ZNF385D: variants seen among roughly 807,000 people sequenced by gnomAD.
The protein encoded by ZNF385D is zinc finger protein 385D, also known as zinc finger protein 659.
A neutral mutation model predicts 35.8 loss-of-function variants in ZNF385D; 15 were observed. That is an observed-to-expected ratio of 0.42 (90% confidence interval 0.28 to 0.64). The LOEUF is 0.64. Ranked by LOEUF, ZNF385D falls within the 30% of genes least tolerant of loss-of-function variation. The pLI, the probability that ZNF385D is intolerant of heterozygous loss-of-function variation, is 0.23. For missense variants in ZNF385D, 474 were observed against 494.6 expected (o/e 0.96, Z 0.39); for synonymous variants, 212 against 186.8 (o/e 1.13, Z -1.10).
chr3:22,253,906 T>C (rs897081473), intron 2 of ZNF385D, among the ~76,000 whole-genome samples: 2 of 151,986 alleles, frequency 1.3e-5, no homozygotes, highest in African/African-American at 4.8e-5. Flanking sequence ...CTGTGCTGTG[T>C]TGAACACTAG....
At chr3:22,278,598 C>T (rs1467237724) in intron 2 of ZNF385D, among the ~76,000 whole-genome samples, 1 of 152,152 alleles carries the variant, frequency 6.6e-6, no homozygotes, top group Non-Finnish European at 1.5e-5. Flanking sequence ...CTCCTCTTCA[C>T]ATTCCTGCAT....
chr3:21,799,868 G>C (rs1575670899), intron 3 of ZNF385D, among the ~76,000 whole-genome samples: 1 of 151,964 alleles, frequency 6.6e-6, no homozygotes, highest in South Asian at 2.1e-4. Context: ...TTTCTTCTAA[G>C]AGTTTTATAA....
chr3:21,818,921 A>G lies in ZNF385D; in HGVS notation c.326-153893T>C, dbSNP rs534053533. Among the ~76,000 whole-genome samples the G allele has an allele frequency of 3.9e-5, 6 of 152,202 alleles. 1 individual carries two copies. Among genetic ancestry groups the G allele is most frequent in the African/African-American group, 1.4e-4 (6 of 41,578 alleles). On this transcript the variant is annotated intron_variant, in intron 3 of 5. Transcript: ENST00000494108. ...GAAACACGTGAATGAATCTAAACCA[A>G]CTTTGATAACATCAAATAATAACAT...
rs1301977997 is a variant in ZNF385D at position 21,421,137 on chromosome 3, C to T, written c.*77G>A. The T allele has an allele frequency of 2.0e-6, 2 of 1,002,306 alleles. No homozygotes were observed. The highest frequency in any genetic ancestry group is 3.4e-5 in the African/African-American group (2 of 58,264). 62.1% of individuals were successfully genotyped at this position (1,002,306 alleles called of 1,614,324 possible). On this transcript the variant is annotated 3_prime_UTR_variant, in exon 8 of 8. Coordinates refer to ENST00000281523, the MANE Select transcript of ZNF385D (RefSeq NM_024697.3). ...ATATACTTTAAACTATAAATAAACACTGCATAGTTCTCTTTTGTTTGTTTT... is the reference window on the plus strand; with the variant it reads ...ATATACTTTAAACTATAAATAAACATTGCATAGTTCTCTTTTGTTTGTTTT...
intron 2 of ZNF385D, among the ~76,000 whole-genome samples, chr3:22,277,234 G>A (rs766526887): frequency 1.3e-5 from 2 of 152,102 alleles, no homozygotes; most frequent in African/African-American, 2.4e-5. Context: ...AGAGCTGTGG[G>A]TTCAACAAAG....
intron 2 of ZNF385D, among the ~76,000 whole-genome samples, chr3:22,192,674 G>GA (rs1364616241): frequency 2.6e-5 from 4 of 152,196 alleles, no homozygotes; most frequent in Admixed American, 1.3e-4. Context: ...ACAACCTCAT[G>GA]AAAAAACCTC....
At chr3:22,001,447 A>G (rs569246000) in intron 3 of ZNF385D, among the ~76,000 whole-genome samples, 27 of 152,276 alleles carry the variant, frequency 1.8e-4, no homozygotes, top group African/African-American at 6.3e-4. Flanking sequence ...ACAATTGTAA[A>G]TATGTGTGTA....
chr3:21,940,349 T>A (rs180893102), intron 3 of ZNF385D, among the ~76,000 whole-genome samples: 66 of 152,314 alleles, frequency 4.3e-4, no homozygotes, highest in Admixed American at 4.3e-3. Context: ...TTACTCCCCA[T>A]GTATCTCACG....
chr3:22,275,887 C>T (rs976029058), intron 2 of ZNF385D, among the ~76,000 whole-genome samples: 1 of 152,070 alleles, frequency 6.6e-6, no homozygotes, highest in Non-Finnish European at 1.5e-5. Context: ...GAGTTCGAGA[C>T]CAGCCTGAAC....
At chr3:22,029,142 G>A (rs912104868) in intron 3 of ZNF385D, among the ~76,000 whole-genome samples, 1 of 152,130 alleles carries the variant, frequency 6.6e-6, no homozygotes, top group Non-Finnish European at 1.5e-5. Context: ...CCATTAAACT[G>A]GAAGTTATGA....
chr3:21,773,761 C>CAA (rs34517595), intron 3 of ZNF385D, among the ~76,000 whole-genome samples: 15,271 of 146,888 alleles, frequency 0.1, 837 homozygotes, highest in South Asian at 0.15. Context: ...ATTAAAAAGT[C>CAA]AAAAAAAAAA....
chr3:22,113,181 G>T (rs1702629539), intron 3 of ZNF385D, among the ~76,000 whole-genome samples: 1 of 152,026 alleles, frequency 6.6e-6, no homozygotes, highest in African/African-American at 2.4e-5. Context: ...ATGGGGGTGG[G>T]CTATGGGCCT....
intron 3 of ZNF385D, among the ~76,000 whole-genome samples, chr3:21,785,511 AACT>A (rs2125646008): frequency 6.6e-6 from 1 of 152,274 alleles, no homozygotes; most frequent in African/African-American, 2.4e-5. Context: ...GATGTCCAGA[AACT>A]TGAATAGCTA....
chr3:21,638,629 A>AT, intron 2 of ZNF385D, among the ~76,000 whole-genome samples: 1 of 152,244 alleles, frequency 6.6e-6, no homozygotes, highest in Admixed American at 6.5e-5. Flanking sequence ...GCCAGCATCT[A>AT]TAAAACTTGG....
chr3:22,148,560 A>T (rs1460483440), intron 3 of ZNF385D, among the ~76,000 whole-genome samples: 1 of 152,216 alleles, frequency 6.6e-6, no homozygotes, highest in South Asian at 2.1e-4. Context: ...GTATATGAGT[A>T]AACAAGTGAA....
At chr3:21,561,984 A>G (rs2062965462) in intron 3 of ZNF385D, 1 of 152,116 alleles carries the variant, frequency 6.6e-6, no homozygotes, top group African/African-American at 2.4e-5. Flanking sequence ...GACTAATACA[A>G]TAATCATCTG....
intron 2 of ZNF385D, among the ~76,000 whole-genome samples, chr3:21,619,686 A>G (rs1258161956): frequency 6.6e-6 from 1 of 152,174 alleles, no homozygotes; most frequent in East Asian, 1.9e-4. Flanking sequence ...TAAAATCTGC[A>G]GCAGCTTTTG....
In ZNF385D at chr3:21,717,951, A is replaced by G. The variant is rs141848931; in HGVS notation, c.22+32944T>C. Among the ~76,000 whole-genome samples the G allele has an allele frequency of 9.2e-5, 14 of 152,320 alleles. No homozygotes were observed. The East Asian group carries it at 2.5e-3, about 27-fold the overall frequency. ...TCAAATTCTCGTCTGCATCAGATTC[A>G]TCAGGAAGGCTTCTTAAAACACAGA... On this transcript the variant is annotated intron_variant, in intron 1 of 7. Transcript: ENST00000281523.
chr3:21,502,092 A>G (rs1018919156), intron 4 of ZNF385D, among the ~76,000 whole-genome samples: 3 of 152,238 alleles, frequency 2.0e-5, no homozygotes, highest in Middle Eastern at 3.4e-3. Context: ...GCAACTGGGG[A>G]ACAGCAAATG....
Sources: gnomAD v4.1 joint callset for allele counts (sites outside exome capture counted in the v4.1 genomes callset) on GRCh38, gnomAD v4.1.1 for gene constraint, MANE v1.5 for transcripts, NCBI Gene and HGNC (gene_info 2026-07-23, HGNC 2026-07-21) for gene names.